PKHD1L1: variants seen among roughly 807,000 people sequenced by gnomAD.
PKHD1L1 encodes fibrocystin-L.
A neutral mutation model predicts 462.9 loss-of-function variants in PKHD1L1; 434 were observed. That is an observed-to-expected ratio of 0.94 (90% CI 0.87 to 1.02). PKHD1L1 has a LOEUF of 1.02. Among genes scored for constraint, PKHD1L1 ranks in the 50% least tolerant of loss-of-function variants. The probability of loss-of-function intolerance (pLI) is 0.00; values close to 1 mark genes in which losing one functional copy is unlikely to be tolerated. For synonymous variants in PKHD1L1, 1,781 were observed against 1,750.0 expected, an observed-to-expected ratio of 1.02 and a Z score of -0.44; for missense variants, 5,202 against 5,096.1, an observed-to-expected ratio of 1.02 and a Z score of -0.63.
At position 109,438,996 on chromosome 8, in the gene PKHD1L1, G is replaced by A. The variant is rs1257313968; in HGVS notation, c.3860G>A (p.Trp1287Ter). The A allele has an allele frequency of 6.2e-7, 1 of 1,613,624 alleles. No homozygotes were observed. The highest frequency in any genetic ancestry group is 1.7e-5 in the Admixed American group (1 of 60,002). The change falls in exon 32 of 78, where the codon TGG becomes TAG. Residue 1287 changes from tryptophan to a stop codon, truncating the protein, a stop_gained. Transcript: ENST00000378402. LOFTEE classifies it high-confidence loss of function. Reference protein sequence around the residue: ...VGGKTCQILHWNFTDIRCLLP... With the variant: ...VGGKTCQILH ...GGAAAAACCTGCCAGATTCTTCACT[G>A]GAACTTCACAGATATTAGATGCCTT...
chr8:109,381,063 A>C (rs779999399), intron 2 of PKHD1L1, among the ~76,000 whole-genome samples: 1 of 152,148 alleles, frequency 6.6e-6, no homozygotes, highest in South Asian at 2.1e-4. Flanking sequence ...CTTGTCCTGC[A>C]GGGCTGACTA....
In PKHD1L1 at chr8:109,523,230, T is replaced by A. The variant is rs1315479429; in HGVS notation, c.12331-3T>A. 6.5e-6 allele frequency: 10 copies of A among 1,550,382 alleles called. No individual in the cohort carries two copies. The highest frequency in any genetic ancestry group is 8.7e-6 in the Non-Finnish European group (10 of 1,148,586). On this transcript the variant is annotated splice_polypyrimidine_tract_variant and splice_region_variant and intron_variant, in intron 75 of 77. Coordinates refer to ENST00000378402, the MANE Select transcript of PKHD1L1 (RefSeq NM_177531.6). ...TAATTATCTACTTTTTTTTTTTTTT[T>A]AGGGTAACTGTGTATCAGTTGGAAT...
Position 109,382,532 on chromosome 8 carries a change from C to T in PKHD1L1, c.378C>T (p.Thr126=). 15 of 1,612,520 alleles carry T rather than the reference C, an allele frequency of 9.3e-6. No individual in the cohort carries two copies. Among genetic ancestry groups the T allele is most frequent in the Non-Finnish European group, 1.3e-5 (15 of 1,179,142 alleles). Residue 126 remains threonine (T), a synonymous_variant, in exon 4 of 78, where the codon ACC becomes ACT. Transcript: ENST00000378402. ...GGGTTCCTGTTACGGAAAATAACAC[C>T]TGCAAAGGTCACATCAACAGCTGGG... ...VDGVPVTENN[T]CKGHINSWEC... is the part of the protein sequence containing the mutation.
intron 38 of PKHD1L1, 36 bp downstream of exon 38, chr8:109,445,681 A>G (rs752287161): frequency 6.7e-7 from 1 of 1,491,372 alleles, no homozygotes; most frequent in Non-Finnish European, 9.2e-7. Flanking sequence ...TTGATATTAT[A>G]GTATCGATAA....
chr8:109,515,162 T>G lies in PKHD1L1; in HGVS notation c.11554-8T>G. ...GTTGCTTTCTTAAAACTTTTTTTTCTTTAATAGGCTGTTCTAGTAGGAATT... is the reference window on the plus strand; with the variant it reads ...GTTGCTTTCTTAAAACTTTTTTTTCGTTAATAGGCTGTTCTAGTAGGAATT... On this transcript the variant is annotated splice_polypyrimidine_tract_variant and splice_region_variant and intron_variant, in intron 71 of 77. Transcript: ENST00000378402. 1.9e-6 allele frequency: 3 copies of G among 1,549,142 alleles called. No individual in the cohort carries two copies. The highest frequency in any genetic ancestry group is 2.6e-6 in the Non-Finnish European group (3 of 1,149,256).
At chr8:109,475,529 A>C (rs1817936714) in intron 51 of PKHD1L1, among the ~76,000 whole-genome samples, 1 of 152,132 alleles carries the variant, frequency 6.6e-6, no homozygotes, top group South Asian at 2.1e-4. Flanking sequence ...TTACCATGAT[A>C]ATAACTTACC....
intron 68 of PKHD1L1, among the ~76,000 whole-genome samples, chr8:109,505,547 C>T (rs977034698): frequency 1.3e-5 from 2 of 152,050 alleles, no homozygotes; most frequent in African/African-American, 4.8e-5. Flanking sequence ...AATTTTATTA[C>T]TGATCTTTGA....
rs1410383730 is a variant in PKHD1L1, at chr8:109,404,713, G to C, written c.1533G>C (p.Gln511His). Residue 511 changes from glutamine (Q) to histidine (H), a missense_variant and splice_region_variant, in exon 15 of 78, where the codon CAG becomes CAC. Gln to His is a conservative substitution (Grantham distance 24, BLOSUM62 0). This residue lies in a region of PKHD1L1 where 4,497 missense variants were observed against 4,336.8 expected (regional missense o/e 1.04). Coordinates refer to ENST00000378402, the MANE Select transcript of PKHD1L1 (RefSeq NM_177531.6). Reference protein sequence around the residue: ...KSQSTILQEVQVITLENWETT... With the variant: ...KSQSTILQEVHVITLENWETT... ...AGTCGACAATCCTCCAGGAAGTACA[G>C]GTTTGCTATGATTGCAGTTCCTCTT... 6.3e-7 allele frequency: 1 copy of C among 1,592,706 alleles called. No homozygotes were observed. Among genetic ancestry groups the C allele is most frequent in the Non-Finnish European group, 8.5e-7 (1 of 1,170,926 alleles).
Position 109,523,252 on chromosome 8 carries a change from G to C in PKHD1L1, c.12350G>C (p.Gly4117Ala). The C allele has an allele frequency of 6.2e-7, 1 of 1,605,008 alleles. No homozygotes were observed. Among genetic ancestry groups the C allele is most frequent in the Non-Finnish European group, 8.5e-7 (1 of 1,174,392 alleles). The change falls in exon 76 of 78, where the codon GGA becomes GCA. Residue 4117 changes from glycine to alanine, a missense_variant. Physicochemically the swap from Gly to Ala is moderately conservative, Grantham distance 60. This residue lies in a region of PKHD1L1 where 698 missense variants were observed against 736.3 expected (regional missense o/e 0.95). Transcript: ENST00000378402. ...TTTTAGGGTAACTGTGTATCAGTTG[G>C]AATTACTGCACTAACTTTGAGGGCC... is the stretch of plus-strand genomic sequence containing the variant. ...TDSDGNCVSV[G>A]ITALTLRAIL...
At position 109,394,435 on chromosome 8, in the gene PKHD1L1, C is replaced by T; in HGVS notation, c.761C>T (p.Ala254Val). The change falls in exon 10 of 78, where the codon GCA (alanine) becomes GTA (valine). Residue 254 changes from alanine to valine, a missense_variant. Ala to Val is a moderately conservative substitution (Grantham distance 64). This residue lies in a region of PKHD1L1 where 4,497 missense variants were observed against 4,336.8 expected (regional missense o/e 1.04). Coordinates refer to ENST00000378402, the MANE Select transcript of PKHD1L1 (RefSeq NM_177531.6). ...DYGRSFPQKM[A>V]YFVSSLNKIA... is the part of the protein sequence containing the mutation. ...AACAGGAGTTTTCCACAGAAAATGG[C>T]ATATTTTGTTTCTTCTCTCAATAAA... 1 of 1,520,582 alleles carries T rather than the reference C, an allele frequency of 6.6e-7. No individual in the cohort carries two copies. Among genetic ancestry groups the T allele is most frequent in the Non-Finnish European group, 8.9e-7 (1 of 1,128,232 alleles). The allele number at this position is 1,520,582 out of a possible 1,614,324, so 94.2% of individuals were successfully genotyped here.
intron 48 of PKHD1L1, 151 bp from the exon 49 acceptor site, chr8:109,464,065 G>C (rs1294658483): frequency 2.3e-6 from 1 of 425,668 alleles, no homozygotes; most frequent in Non-Finnish European, 3.5e-6. Flanking sequence ...TGGGTTGGGG[G>C]TTCAATAACA....
At chr8:109,443,224 T>C in intron 36 of PKHD1L1, 108 bp downstream of exon 36, 1 of 1,031,864 alleles carries the variant, frequency 9.7e-7, no homozygotes, top group East Asian at 2.4e-5. Context: ...TCTATCTTAC[T>C]AGCCACGTGA....
intron 44 of PKHD1L1, 135 bp from the exon 45 acceptor site, chr8:109,454,588 A>G: frequency 7.7e-7 from 1 of 1,295,232 alleles, no homozygotes; most frequent in Non-Finnish European, 1.1e-6. Flanking sequence ...TTTATCTTTC[A>G]AAAGAAAGAT....
At chr8:109,388,661 T>C (rs905090815) in intron 7 of PKHD1L1, 111 bp downstream of exon 7, 5 of 745,482 alleles carry the variant, frequency 6.7e-6, no homozygotes, top group Non-Finnish European at 1.1e-5. Context: ...TATAATACAG[T>C]ATAAATTATA....
chr8:109,449,338 G>A lies in PKHD1L1; in HGVS notation c.6026G>A (p.Gly2009Glu). 6.4e-7 allele frequency: 1 copy of A among 1,568,472 alleles called. No individual in the cohort carries two copies. Among genetic ancestry groups the A allele is most frequent in the Non-Finnish European group, 8.7e-7 (1 of 1,155,498 alleles). ...TTTCCTTTTTATTTGTCTTCACTAG[G>A]GAGCTTTGGTGGGGGTCAAACCATG... ...LNIQNINPSQ[G>E]SFGGGQTMTV... The change falls in exon 40 of 78, where the codon GGG becomes GAG. Residue 2009 changes from glycine to glutamate, a missense_variant and splice_region_variant. By Grantham distance (98) the Gly-to-Glu change is moderately conservative (BLOSUM62 -2). Transcript: ENST00000378402.
rs201538871 is a variant in PKHD1L1 at position 109,438,376 on chromosome 8, C to T, written c.3680C>T (p.Thr1227Ile). 4.8e-5 allele frequency: 74 copies of T among 1,542,792 alleles called. No individual in the cohort carries two copies. The highest frequency in any genetic ancestry group is 6.0e-5 in the Non-Finnish European group (68 of 1,140,198). The change falls in exon 31 of 78, where the codon ACA becomes ATA. Residue 1227 changes from threonine (T) to isoleucine (I), a missense_variant. This residue lies in a region of PKHD1L1 where 4,497 missense variants were observed against 4,336.8 expected (regional missense o/e 1.04). Transcript: ENST00000378402. Reference sequence around the variant, plus strand: ...GTTACTACCAATGGATTTCAAGCCACAGCAAGGGATGCTTTTAGTTATAAT... The same window carrying T: ...GTTACTACCAATGGATTTCAAGCCATAGCAAGGGATGCTTTTAGTTATAAT... ...ISVTTNGFQA[T>I]ARDAFSYNCL...
At chr8:109,458,029 TA>T (rs1394778248) in intron 46 of PKHD1L1, among the ~76,000 whole-genome samples, 7 of 152,280 alleles carry the variant, frequency 4.6e-5, no homozygotes, top group Non-Finnish European at 1.0e-4. Flanking sequence ...ATTGTCTTGA[TA>T]AACAGCTTTG....
At chr8:109,411,011 G>A (rs1247787175) in intron 19 of PKHD1L1, among the ~76,000 whole-genome samples, 1 of 151,928 alleles carries the variant, frequency 6.6e-6, no homozygotes, top group Non-Finnish European at 1.5e-5. Flanking sequence ...ACAGACTTGA[G>A]CCACCGCACC....
At chr8:109,434,758 C>A (rs1006270929) in intron 28 of PKHD1L1, among the ~76,000 whole-genome samples, 1 of 152,150 alleles carries the variant, frequency 6.6e-6, no homozygotes, top group African/African-American at 2.4e-5. Context: ...CGTGAGCCAC[C>A]GCGCCTGCCC....
Sources: allele counts gnomAD v4.1 joint callset (sites outside exome capture counted in the v4.1 genomes callset), GRCh38; gene constraint gnomAD v4.1.1; regional missense constraint gnomAD v4.1.1; transcripts MANE v1.5; gene names NCBI Gene and HGNC (gene_info 2026-07-23, HGNC 2026-07-21).